The following ZBED4 variants were observed in gnomAD, a reference collection of about 807,000 sequenced individuals.
ZBED4 encodes the protein zinc finger BED-type containing 4.
ZBED4 carries 4 observed loss-of-function variants against 15.5 expected under a neutral mutation model. The observed-to-expected ratio is 0.26, with a 90% confidence interval of 0.13 to 0.59. The LOEUF (loss-of-function observed/expected upper bound fraction) is 0.59. ZBED4 is among the 20% of genes least tolerant of loss of function. ZBED4 has a pLI of 0.90. For missense variants in ZBED4, 1,323 were observed against 1,461.8 expected, an observed-to-expected ratio of 0.91 and a Z score of 1.55; for synonymous variants, 692 against 608.5, an observed-to-expected ratio of 1.14 and a Z score of -2.02.
rs1445996512 is a variant in ZBED4 at position 49,878,607 on chromosome 22, C to A, written c.-329-4727C>A. On this transcript the variant is annotated intron_variant, in intron 1 of 1. Transcript: ENST00000216268. ...GATCTAAATATAAAACTTAAAACTT[C>A]TAAAAGACAACACAGAAGAAAGTCT... Among the ~76,000 whole-genome samples the A allele has an allele frequency of 2.0e-5, 3 of 152,212 alleles. No individual in the cohort carries two copies. The East Asian group carries it at 5.8e-4, about 29-fold the overall frequency.
At chr22:49,860,670 T>G (rs1278111985) in intron 1 of ZBED4, among the ~76,000 whole-genome samples, 1 of 152,236 alleles carries the variant, frequency 6.6e-6, no homozygotes, top group African/African-American at 2.4e-5. Flanking sequence ...TCAGATCATT[T>G]TTAGATTTAG....
Position 49,886,404 on chromosome 22 carries a change from C to A in ZBED4, c.2742C>A (p.Val914=). The A allele has an allele frequency of 6.2e-7, 1 of 1,605,390 alleles. No individual in the cohort carries two copies. The highest frequency in any genetic ancestry group is 8.5e-7 in the Non-Finnish European group (1 of 1,173,972). The change falls in exon 2 of 2, where the codon GTC becomes GTA. Residue 914 remains valine (V), a synonymous_variant. Coordinates refer to ENST00000216268, the MANE Select transcript of ZBED4 (RefSeq NM_014838.3). This position sits in a 1 kb window ranked among gnomAD's most constrained non-coding sequence, Gnocchi z 7.7. ...EQKRAINEMS[V]ECNFRELISC... is the part of the protein sequence containing the mutation. ...AAAGGGCCATTAACGAGATGTCCGT[C>A]GAGTGTAACTTCCGAGAGCTGATCA... is the stretch of plus-strand genomic sequence containing the variant.
At chr22:49,855,529 ACTGACTTCTGT>A (rs2060271600) in intron 1 of ZBED4, among the ~76,000 whole-genome samples, 2 of 152,158 alleles carry the variant, frequency 1.3e-5, no homozygotes, top group Non-Finnish European at 2.9e-5. Flanking sequence ...AGGGGAGCGG[ACTGACTTCTGT>A]GTGTGTGCAG....
At chr22:49,870,824 T>G (rs1020806245) in intron 1 of ZBED4, among the ~76,000 whole-genome samples, 2 of 152,184 alleles carry the variant, frequency 1.3e-5, no homozygotes, top group Non-Finnish European at 2.9e-5. Flanking sequence ...CAGAGGCTCT[T>G]TAGTTAGGTC....
Position 49,885,204 on chromosome 22 carries a change from C to A in ZBED4, c.1542C>A (p.Gly514=). ...RHPEVVGSQK[G]FLGASLANSP... ...CAGAAGTTGTCGGGAGCCAGAAGGG[C>A]TTCCTGGGTGCAAGTCTGGCAAACT... The change falls in exon 2 of 2, where the codon GGC becomes GGA. Residue 514 remains glycine (G), a synonymous_variant. Transcript: ENST00000216268. The A allele has an allele frequency of 6.2e-7, 1 of 1,613,870 alleles. No homozygotes were observed. The highest frequency in any genetic ancestry group is 8.5e-7 in the Non-Finnish European group (1 of 1,179,912).
At position 49,884,580 on chromosome 22, in the gene ZBED4, C is replaced by G; in HGVS notation, c.918C>G (p.Cys306Trp). The G allele has an allele frequency of 1.2e-6, 2 of 1,612,358 alleles. No homozygotes were observed. Among genetic ancestry groups the G allele is most frequent in the Non-Finnish European group, 1.7e-6 (2 of 1,179,110 alleles). ...CACTGGACAACTCCAAAGCTGTCTGCATTCACTGCATGAACGAGTTCAGCC... is the reference window on the plus strand; with the variant it reads ...CACTGGACAACTCCAAAGCTGTCTGGATTCACTGCATGAACGAGTTCAGCC... ...LSPLDNSKAV[C>W]IHCMNEFSRG... Residue 306 changes from cysteine (C) to tryptophan (W), a missense_variant, in exon 2 of 2, where the codon TGC (cysteine) becomes TGG (tryptophan). Around this residue, in one of 6 missense-constraint regions of ZBED4, gnomAD observed 380 missense variants for 413.7 expected, o/e 0.92. Coordinates refer to ENST00000216268, the MANE Select transcript of ZBED4 (RefSeq NM_014838.3).
At chr22:49,855,308 A>C (rs2060270397) in intron 1 of ZBED4, among the ~76,000 whole-genome samples, 1 of 152,110 alleles carries the variant, frequency 6.6e-6, no homozygotes, top group Non-Finnish European at 1.5e-5. Context: ...GAAACCTAAG[A>C]CTTTTAGTCC....
chr22:49,863,603 G>C (rs911646228), intron 1 of ZBED4, among the ~76,000 whole-genome samples: 1 of 151,350 alleles, frequency 6.6e-6, no homozygotes, highest in Non-Finnish European at 1.5e-5. Flanking sequence ...CTCCAGCCTG[G>C]GGACAGAGCG....
Position 49,884,413 on chromosome 22 carries a change from C to T in ZBED4, c.751C>T (p.Leu251=), listed in dbSNP as rs778429972. ...GGAGAAGTGCGGCAGAGAAGAAGCC[C>T]TGGTGGGGTCGTCTCCCCACCTCCC... ...VSEKCGREEA[L]VGSSPHLPAL... is the part of the protein sequence containing the mutation. Residue 251 remains leucine (L), a synonymous_variant, in exon 2 of 2, where the codon CTG becomes TTG. Coordinates refer to ENST00000216268, the MANE Select transcript of ZBED4 (RefSeq NM_014838.3). 3 of 1,613,794 alleles carry T rather than the reference C, an allele frequency of 1.9e-6. No homozygotes were observed. Among genetic ancestry groups the T allele is most frequent in the Non-Finnish European group, 1.7e-6 (2 of 1,179,820 alleles).
chr22:49,886,840 G>T lies in ZBED4; in HGVS notation c.3178G>T (p.Ala1060Ser), dbSNP rs745953959. 6.2e-7 allele frequency: 1 copy of T among 1,613,906 alleles called. No individual in the cohort carries two copies. Among genetic ancestry groups the T allele is most frequent in the Non-Finnish European group, 8.5e-7 (1 of 1,179,994 alleles). The change falls in exon 2 of 2, where the codon GCA becomes TCA. Residue 1060 changes from alanine (A) to serine (S), a missense_variant. Transcript: ENST00000216268. This position sits in a 1 kb window ranked among gnomAD's most constrained non-coding sequence, Gnocchi z 7.7. ...DAGSPSKDSA[A>S]EENLWSLVAK... ...TGGCTCCCCGTCGAAAGACTCTGCC[G>T]CAGAGGAGAACCTGTGGTCACTTGT...
chr22:49,870,977 GTT>G (rs2060344338), intron 1 of ZBED4, among the ~76,000 whole-genome samples: 2 of 144,116 alleles, frequency 1.4e-5, no homozygotes, highest in Admixed American at 6.9e-5. Context: ...GTCTCACTCT[GTT>G]ACCCAGGCTG....
chr22:49,860,020 G>A (rs945011490), intron 1 of ZBED4, among the ~76,000 whole-genome samples: 3 of 130,694 alleles, frequency 2.3e-5, no homozygotes, highest in Non-Finnish European at 3.3e-5. Context: ...GAAATCAGCC[G>A]GGCATGATGG....
rs150734381 is a variant in ZBED4, at chr22:49,884,164, G to A, written c.502G>A (p.Val168Met). 9.2e-5 allele frequency: 149 copies of A among 1,612,666 alleles called. 1 individual carries two copies. The South Asian group carries it at 1.2e-3, about 13-fold the overall frequency. The change falls in exon 2 of 2, where the codon GTG becomes ATG. Residue 168 changes from valine (V) to methionine (M), a missense_variant. Val to Met is a conservative substitution (Grantham distance 21). This residue lies in a region of ZBED4 where 380 missense variants were observed against 413.7 expected (regional missense o/e 0.92). Coordinates refer to ENST00000216268, the MANE Select transcript of ZBED4 (RefSeq NM_014838.3). ...MRHVRRAHPT[V>M]LIQENGSVSA... ...GCACGTGAGGCGCGCACACCCGACC[G>A]TGCTCATTCAGGAAAATGGCAGTGT...
chr22:49,860,813 C>G (rs1406075996), intron 1 of ZBED4, among the ~76,000 whole-genome samples: 2 of 147,382 alleles, frequency 1.4e-5, no homozygotes, highest in Admixed American at 1.4e-4. Flanking sequence ...GAGTCTTGCT[C>G]TGTTGCCCAG....
At chr22:49,855,412 T>TG (rs1294515729) in intron 1 of ZBED4, among the ~76,000 whole-genome samples, 1 of 152,216 alleles carries the variant, frequency 6.6e-6, no homozygotes, top group Admixed American at 6.5e-5. Flanking sequence ...GTAAAACCTC[T>TG]GCTCTTTAAG....
intron 1 of ZBED4, among the ~76,000 whole-genome samples, chr22:49,858,470 GT>G (rs1195958903): frequency 6.6e-6 from 1 of 152,172 alleles, no homozygotes; most frequent in Non-Finnish European, 1.5e-5. Flanking sequence ...TGTGCTCTGA[GT>G]TGAACACGAA....
At position 49,887,468 on chromosome 22, in the gene ZBED4, T is replaced by C; in HGVS notation, c.*290T>C. On this transcript the variant is annotated 3_prime_UTR_variant, in exon 2 of 2. Transcript: ENST00000216268. ...CCGTAAAGTTTTTTAAAGTTTTGGG[T>C]TAGTAATTTGTTTTACTAGAATGAC... The C allele has an allele frequency of 3.4e-6, 1 of 294,680 alleles. No individual in the cohort carries two copies. The highest frequency in any genetic ancestry group is 6.7e-6 in the Non-Finnish European group (1 of 148,248). 18.3% of individuals were successfully genotyped at this position (294,680 alleles called of 1,614,324 possible). A position where few individuals can be genotyped will look rare whatever the true frequency, so the allele number is the denominator to read the frequency against.
At chr22:49,878,950 G>A (rs914555115) in intron 1 of ZBED4, among the ~76,000 whole-genome samples, 5 of 151,612 alleles carry the variant, frequency 3.3e-5, no homozygotes, top group African/African-American at 9.7e-5. Context: ...AGAGACCATC[G>A]TGGCCAACAT....
At position 49,884,501 on chromosome 22, in the gene ZBED4, G is replaced by A. The variant is rs753631775; in HGVS notation, c.839G>A (p.Ser280Asn). ...LAEKSLPLPKSTSGSRRRSAV... is the reference protein window; with the variant it reads ...LAEKSLPLPKNTSGSRRRSAV... ...GAGAAGAGCCTTCCACTTCCAAAGAGCACCTCTGGGTCCAGGAGAAGGTCC... is the reference window on the plus strand; with the variant it reads ...GAGAAGAGCCTTCCACTTCCAAAGAACACCTCTGGGTCCAGGAGAAGGTCC... The change falls in exon 2 of 2, where the codon AGC (serine) becomes AAC (asparagine). Residue 280 changes from serine (S) to asparagine (N), a missense_variant. Physicochemically the swap from Ser to Asn is conservative, Grantham distance 46. This residue lies in a region of ZBED4 where 380 missense variants were observed against 413.7 expected (regional missense o/e 0.92). Transcript: ENST00000216268. 8.7e-6 allele frequency: 14 copies of A among 1,614,212 alleles called. No individual in the cohort carries two copies. In the South Asian group the frequency reaches 1.4e-4, roughly 16 times the overall value.
Sources: gnomAD v4.1 joint callset for allele counts (sites outside exome capture counted in the v4.1 genomes callset) on GRCh38, gnomAD v4.1.1 for gene constraint, gnomAD v4.1.1 regional missense constraint, Gnocchi (gnomAD v3.1) non-coding constraint, MANE v1.5 for transcripts, NCBI Gene and HGNC (gene_info 2026-07-23, HGNC 2026-07-21) for gene names.